Variants in FIG4 observed in about 807,000 individuals in gnomAD.
The protein encoded by FIG4 is polyphosphoinositide phosphatase.
A neutral mutation model predicts 118.6 loss-of-function variants in FIG4; 112 were observed. The observed-to-expected ratio is 0.94, with a 90% CI of 0.81 to 1.11. FIG4 has a LOEUF of 1.11. Among genes scored for constraint, FIG4 ranks in the 50% least tolerant of loss-of-function variants. The pLI is 0.00. For synonymous variants in FIG4, 369 were observed against 381.2 expected, an observed-to-expected ratio of 0.97 and a Z score of 0.37; for missense variants, 969 against 1,111.7, an observed-to-expected ratio of 0.87 and a Z score of 1.83.
intron 22 of FIG4, among the ~76,000 whole-genome samples, chr6:109,809,978 A>G (rs1288640484): frequency 6.6e-6 from 1 of 152,122 alleles, no homozygotes; most frequent in Non-Finnish European, 1.5e-5. Flanking sequence ...ACCAGTAGGA[A>G]GATGGCCACA....
rs146497889 is a variant in FIG4, at chr6:109,788,266, G to A, written c.2097-1328G>A. The stretch of plus-strand genomic sequence containing the variant: ...AACACTCATGGCCAACAGCACTATA[G>A]CTCATGCCTGAATGAAGCTTATCTA... On this transcript the variant is annotated intron_variant, in intron 18 of 22. Transcript: ENST00000230124. Among the ~76,000 whole-genome samples the A allele has an allele frequency of 1.5e-3, 234 of 152,308 alleles. 1 individual carries two copies. The highest frequency in any genetic ancestry group is 5.0e-3 in the African/African-American group (206 of 41,570).
chr6:109,795,895 G>A (rs57285958), intron 21 of FIG4, among the ~76,000 whole-genome samples: 8,729 of 152,114 alleles, frequency 0.057, 849 homozygotes, highest in African/African-American at 0.2. Context: ...GCCACTGCGC[G>A]TGGCCTGGAA....
At chr6:109,750,937 GAT>G (rs1776676436) in intron 10 of FIG4, among the ~76,000 whole-genome samples, 1 of 152,072 alleles carries the variant, frequency 6.6e-6, no homozygotes, top group African/African-American at 2.4e-5. Flanking sequence ...AATTTTCTCC[GAT>G]ATATAAATAA....
intron 6 of FIG4, 52 bp downstream of exon 6, chr6:109,735,350 A>G (rs1776130418): frequency 1.3e-6 from 2 of 1,502,284 alleles, no homozygotes; most frequent in Non-Finnish European, 1.9e-6. Context: ...CCATGAAGTG[A>G]TATCTTATTA....
intron 10 of FIG4, among the ~76,000 whole-genome samples, chr6:109,753,435 T>G (rs970515279): frequency 6.6e-6 from 1 of 151,924 alleles, no homozygotes; most frequent in African/African-American, 2.4e-5. Context: ...GGCTCTTTTT[T>G]GGTTCCATAT....
chr6:109,748,173 A>G (rs1776564387), intron 10 of FIG4, among the ~76,000 whole-genome samples: 1 of 152,084 alleles, frequency 6.6e-6, no homozygotes, highest in African/African-American at 2.4e-5. Flanking sequence ...AGCCAATTTC[A>G]AGTTGGTGAT....
At chr6:109,775,547 A>G (rs1777593222) in intron 15 of FIG4, among the ~76,000 whole-genome samples, 1 of 152,226 alleles carries the variant, frequency 6.6e-6, no homozygotes, top group South Asian at 2.1e-4. Context: ...AGAATGAACT[A>G]TTAAGTGCTA....
intron 8 of FIG4, among the ~76,000 whole-genome samples, chr6:109,741,989 G>C (rs1776338625): frequency 6.6e-6 from 1 of 151,966 alleles, no homozygotes; most frequent in African/African-American, 2.4e-5. Context: ...GGAACCCATG[G>C]ATGTGGGGGG....
chr6:109,695,583 C>CACACACACAG lies in FIG4; in HGVS notation c.66+4091_66+4092insGACACACACA, dbSNP rs1554297821. Reference sequence around the variant, plus strand: ...CAACGAGCAAAATGCAGTGAATACACACACACACACACACACAGACACACA... The same window carrying CACACACACAG: ...CAACGAGCAAAATGCAGTGAATACACACACACACAGACACACACACACACACAGACACACA... On this transcript the variant is annotated intron_variant, in intron 1 of 22. Coordinates refer to ENST00000230124, the MANE Select transcript of FIG4 (RefSeq NM_014845.6). Among the ~76,000 whole-genome samples, 6 of 145,282 alleles carry CACACACACAG rather than the reference C, an allele frequency of 4.1e-5. No individual in the cohort carries two copies. The South Asian group carries it at 1.4e-3, about 33-fold the overall frequency.
intron 22 of FIG4, among the ~76,000 whole-genome samples, chr6:109,822,629 C>A (rs1583782236): frequency 6.6e-6 from 1 of 151,638 alleles, no homozygotes; most frequent in East Asian, 1.9e-4. Flanking sequence ...AGTATGTTAT[C>A]TAGATTTATT....
intron 9 of FIG4, 85 bp from the exon 10 acceptor site, chr6:109,743,590 T>C: frequency 9.7e-7 from 1 of 1,026,092 alleles, no homozygotes; most frequent in Non-Finnish European, 1.5e-6. Context: ...TTGAATTGCA[T>C]TTCTTTAAAA....
chr6:109,795,110 T>TG, intron 21 of FIG4, among the ~76,000 whole-genome samples: 1 of 65,532 alleles, frequency 1.5e-5, no homozygotes, highest in African/African-American at 6.6e-5. Context: ...TTTTTTTTTT[T>TG]TTTTTTTTTT....
At chr6:109,732,613 T>C in intron 4 of FIG4, 24 bp from the exon 5 acceptor site, 1 of 1,112,652 alleles carries the variant, frequency 9.0e-7, no homozygotes, top group Non-Finnish European at 1.3e-6. Flanking sequence ...ACAAATGAAA[T>C]GTACTTTGTT....
intron 1 of FIG4, among the ~76,000 whole-genome samples, chr6:109,700,146 G>A (rs1353779764): frequency 1.3e-5 from 2 of 152,176 alleles, no homozygotes. Context: ...ACACAGACAT[G>A]TATACCATAG....
intron 12 of FIG4, among the ~76,000 whole-genome samples, chr6:109,763,084 T>G (rs1402285944): frequency 1.3e-5 from 2 of 152,256 alleles, no homozygotes; most frequent in African/African-American, 4.8e-5. Context: ...GGAAGCATGT[T>G]GGAGACTCTG....
chr6:109,824,829 CAG>C (rs1779111526), intron 22 of FIG4, among the ~76,000 whole-genome samples: 1 of 151,972 alleles, frequency 6.6e-6, no homozygotes, highest in African/African-American at 2.4e-5. Context: ...TGGGTGTACA[CAG>C]AGATGTGGAA....
At chr6:109,762,450 A>G (rs1160228655) in intron 12 of FIG4, among the ~76,000 whole-genome samples, 1 of 151,944 alleles carries the variant, frequency 6.6e-6, no homozygotes, top group Admixed American at 6.6e-5. Flanking sequence ...AATGTTACAT[A>G]AAATATTTCT....
intron 10 of FIG4, among the ~76,000 whole-genome samples, chr6:109,752,842 A>C (rs1422565655): frequency 2.0e-5 from 3 of 152,086 alleles, no homozygotes; most frequent in Non-Finnish European, 2.9e-5. Flanking sequence ...TCTTTAGTTT[A>C]ATTAGATCCC....
intron 22 of FIG4, among the ~76,000 whole-genome samples, chr6:109,805,194 G>A (rs1026194266): frequency 3.3e-5 from 5 of 152,146 alleles, no homozygotes; most frequent in African/African-American, 1.2e-4. Flanking sequence ...TAGAAGGACA[G>A]GATACAAGGG....
Sources: gnomAD v4.1 joint callset for allele counts (sites outside exome capture counted in the v4.1 genomes callset) on GRCh38, gnomAD v4.1.1 for gene constraint, MANE v1.5 for transcripts, NCBI Gene and HGNC (gene_info 2026-07-23, HGNC 2026-07-21) for gene names.